Variants in SKIC3 observed in about 807,000 individuals in gnomAD.
The protein encoded by SKIC3 is SKI3 subunit of superkiller complex, also known as superkiller complex protein 3.
chr5:95,473,987 C>T, the SKIC3 span, among the ~76,000 whole-genome samples: 2 of 151,898 alleles, frequency 1.3e-5, no homozygotes, highest in African/African-American at 2.4e-5. Flanking sequence ...TTGCCAAGGC[C>T]GACGTCAAAA....
the SKIC3 span, among the ~76,000 whole-genome samples, chr5:95,517,663 T>A: frequency 6.6e-6 from 1 of 152,142 alleles, no homozygotes; most frequent in Non-Finnish European, 1.5e-5. Context: ...GCTTTTTGTG[T>A]TTAAGCAATG....
At chr5:95,494,839 C>A in the SKIC3 span, 1 of 1,605,244 alleles carries the variant, frequency 6.2e-7, no homozygotes, top group Non-Finnish European at 8.5e-7. Flanking sequence ...ATAGCTCCCT[C>A]TCTTTCAAAC....
At chr5:95,480,654 C>T in the SKIC3 span, among the ~76,000 whole-genome samples, 8 of 152,150 alleles carry the variant, frequency 5.3e-5, no homozygotes, top group Non-Finnish European at 1.2e-4. Context: ...ATTAACCATA[C>T]ATATACCCTA....
the SKIC3 span, chr5:95,523,984 A>G: frequency 1.3e-6 from 1 of 784,394 alleles, no homozygotes; most frequent in African/African-American, 1.8e-5. Context: ...TTGATGTAAG[A>G]TTTAAAACAG....
At chr5:95,470,932 CGAA>C in the SKIC3 span, among the ~76,000 whole-genome samples, 2 of 151,980 alleles carry the variant, frequency 1.3e-5, no homozygotes, top group Admixed American at 6.6e-5. Flanking sequence ...CAAATTTTGA[CGAA>C]GATTTCATAA....
chr5:95,536,981 T>C, the SKIC3 span: 1 of 1,601,130 alleles, frequency 6.2e-7, no homozygotes, highest in South Asian at 1.1e-5. Context: ...AATGTATTTA[T>C]GAACACTTTC....
chr5:95,512,645 C>A, the SKIC3 span: 1 of 1,613,334 alleles, frequency 6.2e-7, no homozygotes, highest in Non-Finnish European at 8.5e-7. Flanking sequence ...GTTAAGCAGA[C>A]ATAGGATAAT....
the SKIC3 span, among the ~76,000 whole-genome samples, chr5:95,496,302 G>A: frequency 2.0e-5 from 3 of 152,160 alleles, no homozygotes; most frequent in Non-Finnish European, 2.9e-5. Context: ...ATAGCCATGA[G>A]CCACCGTGCC....
At chr5:95,536,853 G>T in the SKIC3 span, 1 of 1,613,566 alleles carries the variant, frequency 6.2e-7, no homozygotes, top group East Asian at 2.2e-5. Context: ...ACTTCTAATG[G>T]ATACTGTACA....
chr5:95,512,411 T>A, the SKIC3 span: 11 of 1,538,594 alleles, frequency 7.1e-6, no homozygotes, highest in Non-Finnish European at 9.7e-6. Flanking sequence ...GAATTAATTT[T>A]AAAAATTATT....
the SKIC3 span, among the ~76,000 whole-genome samples, chr5:95,481,181 G>A: frequency 6.6e-6 from 1 of 152,056 alleles, no homozygotes; most frequent in Non-Finnish European, 1.5e-5. Flanking sequence ...TATTGATATG[G>A]TTTGGCTGTG....
chr5:95,545,068 GTC>G, the SKIC3 span, among the ~76,000 whole-genome samples: 1 of 152,132 alleles, frequency 6.6e-6, no homozygotes, highest in Non-Finnish European at 1.5e-5. Context: ...TTCTAATTGG[GTC>G]TCTCTAGTAT....
chr5:95,497,853 C>G, the SKIC3 span, among the ~76,000 whole-genome samples: 1 of 151,708 alleles, frequency 6.6e-6, no homozygotes, highest in Non-Finnish European at 1.5e-5. Flanking sequence ...AAGGAATAAG[C>G]TTTATATTAA....
At chr5:95,503,869 G>A in the SKIC3 span, 1 of 1,613,892 alleles carries the variant, frequency 6.2e-7, no homozygotes, top group East Asian at 2.2e-5. Context: ...CAAAACCTAT[G>A]ATGTCTTCTA....
the SKIC3 span, among the ~76,000 whole-genome samples, chr5:95,474,659 G>A: frequency 3.9e-5 from 6 of 152,234 alleles, no homozygotes; most frequent in African/African-American, 1.4e-4. Context: ...GGATTTCTAT[G>A]TCAACCTCTT....
the SKIC3 span, chr5:95,547,035 T>C: frequency 2.5e-6 from 4 of 1,594,516 alleles, no homozygotes; most frequent in Non-Finnish European, 3.4e-6. Flanking sequence ...CATACTTTCA[T>C]TGTGGAAGAA....
At chr5:95,503,719 C>T in the SKIC3 span, 3 of 1,565,798 alleles carry the variant, frequency 1.9e-6, no homozygotes, top group Non-Finnish European at 1.7e-6. Context: ...ATTGCAACCC[C>T]CACCCCATCT....
At chr5:95,465,500 A>C in the SKIC3 span, among the ~76,000 whole-genome samples, 1 of 152,130 alleles carries the variant, frequency 6.6e-6, no homozygotes, top group Non-Finnish European at 1.5e-5. Flanking sequence ...TTGGTTGTTC[A>C]TTGTCAAGCA....
the SKIC3 span, among the ~76,000 whole-genome samples, chr5:95,483,739 T>C: frequency 1.3e-5 from 2 of 152,232 alleles, no homozygotes; most frequent in Admixed American, 1.3e-4. Flanking sequence ...CTAAGTGAGC[T>C]TTGGAAACTA....
Sources: allele counts gnomAD v4.1 joint callset (sites outside exome capture counted in the v4.1 genomes callset), GRCh38; gene constraint gnomAD v4.1.1; transcripts MANE v1.5; gene names NCBI Gene and HGNC (gene_info 2026-07-23, HGNC 2026-07-21).